Variants in XKR5 observed in about 807,000 individuals in gnomAD.
XKR5 encodes the protein XK-related protein 5.
A neutral mutation model predicts 40.8 loss-of-function variants in XKR5; 46 were observed. That is an observed-to-expected ratio of 1.13 (90% CI 0.89 to 1.44). XKR5 has a LOEUF of 1.44. XKR5 is among the 40% of genes most tolerant of loss of function. The pLI is 0.00. For synonymous variants in XKR5, 466 were observed against 356.1 expected, an observed-to-expected ratio of 1.31 and a Z score of -3.48; for missense variants, 1,169 against 844.7, an observed-to-expected ratio of 1.38 and a Z score of -4.76.
intron 3 of XKR5, among the ~76,000 whole-genome samples, chr8:6,824,006 A>G (rs1251900364): frequency 6.6e-6 from 1 of 152,080 alleles, no homozygotes; most frequent in Non-Finnish European, 1.5e-5. Flanking sequence ...AATGGGCTGG[A>G]CTCTTCCTTT....
chr8:6,815,853 C>G lies in XKR5; in HGVS notation c.873G>C (p.Trp291Cys), dbSNP rs776794954. Residue 291 changes from tryptophan (W) to cysteine (C), a missense_variant, in exon 6 of 7, where the codon TGG (tryptophan) becomes TGC (cysteine). By Grantham distance (215) the Trp-to-Cys change is radical (BLOSUM62 -2). Transcript: ENST00000618742. The stretch of plus-strand genomic sequence containing the variant: ...CCCCAGCTATGGTCTGCAGGCTGGT[C>G]CACGATGCCCCCTGGAGAAAGTCGG... Reference protein sequence around the residue: ...LATDFLQGASWTSLQTIAGVL... With the variant: ...LATDFLQGASCTSLQTIAGVL... The G allele has an allele frequency of 2.5e-6, 4 of 1,605,360 alleles. No individual in the cohort carries two copies. The highest frequency in any genetic ancestry group is 3.4e-6 in the Non-Finnish European group (4 of 1,176,130).
chr8:6,827,959 T>C (rs531941102), intron 2 of XKR5, among the ~76,000 whole-genome samples: 1 of 152,140 alleles, frequency 6.6e-6, no homozygotes, highest in East Asian at 1.9e-4. Context: ...TCCCAGCTAC[T>C]CAGGAGGCTG....
In XKR5 at chr8:6,825,071, G is replaced by T. The variant is rs1447999109; in HGVS notation, c.427+94C>A. The T allele has an allele frequency of 2.0e-6, 3 of 1,471,168 alleles. No individual in the cohort carries two copies. In the African/African-American group the frequency reaches 4.2e-5, roughly 21 times the overall value. The allele number at this position is 1,471,168 out of a possible 1,614,324, so 91.1% of individuals were successfully genotyped here. On this transcript the variant is annotated intron_variant, in intron 3 of 6. Transcript: ENST00000618742. Reference sequence around the variant, plus strand: ...GGTGCCCTAATGCTCCTAAGCAGAGGAAATCTCGAAGGGAGGGTTTTGCTA... The same window carrying T: ...GGTGCCCTAATGCTCCTAAGCAGAGTAAATCTCGAAGGGAGGGTTTTGCTA...
At chr8:6,822,820 G>T (rs905776874) in intron 4 of XKR5, among the ~76,000 whole-genome samples, 1 of 152,212 alleles carries the variant, frequency 6.6e-6, no homozygotes, top group Non-Finnish European at 1.5e-5. Context: ...AGGAGGGAGG[G>T]CTTGGATTTA....
At chr8:6,827,254 T>C (rs1327741530) in intron 2 of XKR5, among the ~76,000 whole-genome samples, 1 of 152,208 alleles carries the variant, frequency 6.6e-6, no homozygotes, top group Non-Finnish European at 1.5e-5. Flanking sequence ...ACGAGCCTGC[T>C]GCCCAGCAAA....
At chr8:6,831,257 A>G (rs1804750619) in intron 2 of XKR5, among the ~76,000 whole-genome samples, 1 of 152,208 alleles carries the variant, frequency 6.6e-6, no homozygotes, top group Non-Finnish European at 1.5e-5. Context: ...AGGCCCTCCG[A>G]AAGATCCTTC....
intron 5 of XKR5, among the ~76,000 whole-genome samples, chr8:6,818,568 A>T (rs1282135221): frequency 6.6e-6 from 1 of 152,258 alleles, no homozygotes; most frequent in South Asian, 2.1e-4. Context: ...AGTGATCAAC[A>T]GGCAGGCTTC....
In XKR5 at chr8:6,822,568, A is replaced by G. The variant is rs537880633; in HGVS notation, c.638-530T>C. 5.3e-5 allele frequency among the ~76,000 whole-genome samples: 8 copies of G among 152,350 alleles called. No homozygotes were observed. The South Asian group carries it at 1.2e-3, about 24-fold the overall frequency. ...AAGCACAGTTCTTTTTTTCAAAAAAATTATCTTTTTGGCCAATAACTGTAT... is the reference window on the plus strand; with the variant it reads ...AAGCACAGTTCTTTTTTTCAAAAAAGTTATCTTTTTGGCCAATAACTGTAT... On this transcript the variant is annotated intron_variant, in intron 4 of 6. Transcript: ENST00000618742.
chr8:6,830,495 G>A lies in XKR5; in HGVS notation c.242+2222C>T, dbSNP rs1404166135. Among the ~76,000 whole-genome samples, 7 of 152,192 alleles carry A rather than the reference G, an allele frequency of 4.6e-5. No individual in the cohort carries two copies. The East Asian group carries it at 5.8e-4, about 13-fold the overall frequency. On this transcript the variant is annotated intron_variant, in intron 2 of 6. Coordinates refer to ENST00000618742, the MANE Select transcript of XKR5 (RefSeq NM_207411.5). Reference sequence around the variant, plus strand: ...ACCTGAGAAACACTGCAAATCTTGCGGCCTTTATGCTTGCACTGGCTGTTA... The same window carrying A: ...ACCTGAGAAACACTGCAAATCTTGCAGCCTTTATGCTTGCACTGGCTGTTA...
intron 3 of XKR5, among the ~76,000 whole-genome samples, chr8:6,824,630 A>C (rs1399204991): frequency 2.6e-5 from 4 of 152,180 alleles, no homozygotes; most frequent in Non-Finnish European, 5.9e-5. Context: ...TCCTGGCCTC[A>C]AGTGATGCTA....
At chr8:6,829,329 A>G (rs1804656462) in intron 2 of XKR5, 1 of 169,264 alleles carries the variant, frequency 5.9e-6, no homozygotes, top group Admixed American at 6.5e-5. Flanking sequence ...GATGAAAAAG[A>G]TGTTGGTAAC....
chr8:6,835,114 G>A (rs752782255), intron 1 of XKR5, among the ~76,000 whole-genome samples: 8 of 152,054 alleles, frequency 5.3e-5, no homozygotes, highest in Admixed American at 1.3e-4. Flanking sequence ...CCCTGCTTCT[G>A]CGAGGGGATC....
rs1803656786 is a variant in XKR5 at position 6,811,125 on chromosome 8, G to C, written c.*73C>G. The C allele has an allele frequency of 7.1e-6, 10 of 1,410,076 alleles. No individual in the cohort carries two copies. Among genetic ancestry groups the C allele is most frequent in the African/African-American group, 1.4e-5 (1 of 69,938 alleles). 87.3% of individuals were successfully genotyped at this position (1,410,076 alleles called of 1,614,324 possible). On this transcript the variant is annotated 3_prime_UTR_variant, in exon 7 of 7. Coordinates refer to ENST00000618742, the MANE Select transcript of XKR5 (RefSeq NM_207411.5). The stretch of plus-strand genomic sequence containing the variant: ...CCAAGGACACAGGTGTCAGAAGTGG[G>C]ATTTCCTTTCTCACGGTACCAAATG...
At chr8:6,833,716 C>G (rs1017991091) in intron 1 of XKR5, among the ~76,000 whole-genome samples, 1 of 139,350 alleles carries the variant, frequency 7.2e-6, no homozygotes, top group African/African-American at 3.4e-5. Flanking sequence ...ACTCTTGTCT[C>G]AAAACAAAAC....
intron 6 of XKR5, among the ~76,000 whole-genome samples, chr8:6,815,192 G>A (rs563069979): frequency 4.4e-4 from 67 of 152,314 alleles, no homozygotes; most frequent in African/African-American, 1.6e-3. Context: ...AGTGGGGGGC[G>A]GAATCCCTGC....
At position 6,825,275 on chromosome 8, in the gene XKR5, T is replaced by G; in HGVS notation, c.317A>C (p.Glu106Ala). 1 of 1,609,966 alleles carries G rather than the reference T, an allele frequency of 6.2e-7. No individual in the cohort carries two copies. Among genetic ancestry groups the G allele is most frequent in the Non-Finnish European group, 8.5e-7 (1 of 1,178,656 alleles). ...APHRGWLQLQ[E>A]ADLSALRLLE... ...GAGTCGAAGGGCCGACAGGTCGGCCTCCTGCAGCTGCAGCCAGCCTCGGTG... is the reference window on the plus strand; with the variant it reads ...GAGTCGAAGGGCCGACAGGTCGGCCGCCTGCAGCTGCAGCCAGCCTCGGTG... Residue 106 changes from glutamate (E) to alanine (A), a missense_variant, in exon 3 of 7, where the codon GAG (glutamate) becomes GCG (alanine). Glu to Ala is a moderately radical substitution (Grantham distance 107). Coordinates refer to ENST00000618742, the MANE Select transcript of XKR5 (RefSeq NM_207411.5).
At chr8:6,828,568 T>C (rs1238368279) in intron 2 of XKR5, among the ~76,000 whole-genome samples, 51 of 152,186 alleles carry the variant, frequency 3.4e-4, no homozygotes, top group Non-Finnish European at 1.0e-4. Flanking sequence ...GGGAGGAAGC[T>C]GAGGCGGGAT....
At chr8:6,820,997 T>C (rs925548369) in intron 5 of XKR5, among the ~76,000 whole-genome samples, 1 of 152,222 alleles carries the variant, frequency 6.6e-6, no homozygotes, top group Non-Finnish European at 1.5e-5. Flanking sequence ...TTATTTGGTC[T>C]TTACAGGAAC....
At chr8:6,812,815 G>T in intron 6 of XKR5, among the ~76,000 whole-genome samples, 1 of 152,296 alleles carries the variant, frequency 6.6e-6, no homozygotes, top group East Asian at 1.9e-4. Flanking sequence ...TCAAAAACAA[G>T]TAAGACCTAA....
Sources: allele counts gnomAD v4.1 joint callset (sites outside exome capture counted in the v4.1 genomes callset), GRCh38; gene constraint gnomAD v4.1.1; transcripts MANE v1.5; gene names NCBI Gene and HGNC (gene_info 2026-07-23, HGNC 2026-07-21).